Variants in SORCS2 observed in about 807,000 individuals in gnomAD.
SORCS2 encodes VPS10 domain-containing receptor SorCS2.
A neutral mutation model predicts 141.6 loss-of-function variants in SORCS2; 100 were observed. The observed-to-expected ratio is 0.71, with a 90% CI of 0.60 to 0.83. The LOEUF is 0.83. SORCS2 is among the 40% of genes least tolerant of loss of function. The pLI is 0.00. For missense variants in SORCS2, 1,646 were observed against 1,560.2 expected, an observed-to-expected ratio of 1.05 and a Z score of -0.93; for synonymous variants, 789 against 676.9, an observed-to-expected ratio of 1.17 and a Z score of -2.57.
At chr4:7,534,963 C>T (rs943203434) in intron 3 of SORCS2, among the ~76,000 whole-genome samples, 1 of 152,214 alleles carries the variant, frequency 6.6e-6, no homozygotes, top group East Asian at 1.9e-4. Context: ...GGCTCCTGCT[C>T]TCCCCTCACC....
At chr4:7,240,974 G>T (rs966568681) in intron 1 of SORCS2, among the ~76,000 whole-genome samples, 2 of 152,134 alleles carry the variant, frequency 1.3e-5, no homozygotes, top group African/African-American at 4.8e-5. Flanking sequence ...CATTCTTGTT[G>T]CCCAGGCTGG....
At chr4:7,590,413 GCCTGGCTTCTCAGGT>G (rs911029280) in intron 3 of SORCS2, among the ~76,000 whole-genome samples, 13 of 152,178 alleles carry the variant, frequency 8.5e-5, no homozygotes, top group Non-Finnish European at 1.9e-4. Context: ...TGTGAAGGTG[GCCTGGCTTCTCAGGT>G]CCTCTCCCAG....
In SORCS2 at chr4:7,726,915, C is replaced by A. The variant is rs751264738; in HGVS notation, c.2869+12C>A. 1.1e-5 allele frequency: 18 copies of A among 1,609,602 alleles called. No individual in the cohort carries two copies. The highest frequency in any genetic ancestry group is 5.5e-5 in the South Asian group (5 of 90,824). On this transcript the variant is annotated intron_variant, in intron 21 of 26. Transcript: ENST00000507866. ...CCTCCGTGTGCTGGGTAAGTACTTC[C>A]TGGGGTCTGGCAGCACGGCCTCTGC...
chr4:7,447,450 G>T (rs993896349), intron 2 of SORCS2, among the ~76,000 whole-genome samples: 2 of 152,204 alleles, frequency 1.3e-5, no homozygotes, highest in African/African-American at 2.4e-5. Context: ...GAACACTGAG[G>T]CTTAGGGAAG....
At chr4:7,375,734 CA>C (rs1300734410) in intron 1 of SORCS2, among the ~76,000 whole-genome samples, 1 of 152,204 alleles carries the variant, frequency 6.6e-6, no homozygotes, top group African/African-American at 2.4e-5. Flanking sequence ...ACATCCACCC[CA>C]AAGCCTATTA....
rs897856764 is a variant in SORCS2 at position 7,742,748 on chromosome 4, A to G, written c.*2484A>G. ...CATGCACATAACAAAGAGACAATGC[A>G]TTCCTTCTTATTTTTCCTTTTTAAA... On this transcript the variant is annotated 3_prime_UTR_variant, in exon 27 of 27. Transcript: ENST00000507866. 3 of 152,440 alleles carry G rather than the reference A, an allele frequency of 2.0e-5. No homozygotes were observed. The highest frequency in any genetic ancestry group is 7.2e-5 in the African/African-American group (3 of 41,468). The allele number at this position is 152,440 out of a possible 1,614,324, so 9.4% of individuals were successfully genotyped here. A position where few individuals can be genotyped will look rare whatever the true frequency, so the allele number is the denominator to read the frequency against.
chr4:7,396,224 T>G, intron 1 of SORCS2, 64 bp from the exon 2 acceptor site: 1 of 1,515,322 alleles, frequency 6.6e-7, no homozygotes, highest in East Asian at 2.3e-5. Flanking sequence ...GGTGTCACTG[T>G]ACCTCTCTTT....
chr4:7,573,134 G>A (rs745398248), intron 3 of SORCS2, among the ~76,000 whole-genome samples: 8 of 152,176 alleles, frequency 5.3e-5, no homozygotes, highest in Non-Finnish European at 1.0e-4. Flanking sequence ...CAGAACTTGC[G>A]TCTTTTGGTA....
intron 3 of SORCS2, among the ~76,000 whole-genome samples, chr4:7,536,556 A>G (rs1177873349): frequency 1.3e-5 from 2 of 152,186 alleles, no homozygotes; most frequent in African/African-American, 4.8e-5. Context: ...AGAGCAGCCC[A>G]TGACTGTGGG....
At chr4:7,196,712 G>C (rs1727190534) in intron 1 of SORCS2, among the ~76,000 whole-genome samples, 1 of 148,272 alleles carries the variant, frequency 6.7e-6, no homozygotes. Context: ...TGGTATCCAA[G>C]GCAGTTGAAT....
At chr4:7,552,277 C>T (rs375829791) in intron 3 of SORCS2, among the ~76,000 whole-genome samples, 1 of 152,096 alleles carries the variant, frequency 6.6e-6, no homozygotes, top group Admixed American at 6.5e-5. Flanking sequence ...CTGAACTCAG[C>T]GTTGACTATT....
intron 8 of SORCS2, among the ~76,000 whole-genome samples, chr4:7,671,748 G>C (rs1025309852): frequency 6.6e-5 from 10 of 152,058 alleles, no homozygotes; most frequent in Non-Finnish European, 1.3e-4. Context: ...ATGATTGTGG[G>C]AGTCCCAGAA....
At position 7,523,929 on chromosome 4, in the gene SORCS2, C is replaced by A. The variant is rs142930865; in HGVS notation, c.549-7601C>A. Among the ~76,000 whole-genome samples, 74 of 152,334 alleles carry A rather than the reference C, an allele frequency of 4.9e-4. 1 individual carries two copies. The highest frequency in any genetic ancestry group is 1.7e-3 in the African/African-American group (69 of 41,588). ...CCTGGGGCTTCCCACTGGCCTCAAACTCTTCCTGGGGATGACGCACTGGAA... is the reference window on the plus strand; with the variant it reads ...CCTGGGGCTTCCCACTGGCCTCAAAATCTTCCTGGGGATGACGCACTGGAA... On this transcript the variant is annotated intron_variant, in intron 2 of 26. Transcript: ENST00000507866.
At chr4:7,575,072 G>A (rs1032007955) in intron 3 of SORCS2, among the ~76,000 whole-genome samples, 2 of 152,132 alleles carry the variant, frequency 1.3e-5, no homozygotes, top group African/African-American at 2.4e-5. Context: ...GGGGACTGGC[G>A]GTGGGAGGAC....
chr4:7,631,456 A>T (rs1453064283), intron 3 of SORCS2, among the ~76,000 whole-genome samples: 1 of 151,766 alleles, frequency 6.6e-6, no homozygotes, highest in African/African-American at 2.4e-5. Flanking sequence ...CCTCTGGGGC[A>T]TCTTTTTGCA....
rs545102031 is a variant in SORCS2 at position 7,729,152 on chromosome 4, A to G, written c.2983-435A>G. Reference sequence around the variant, plus strand: ...CTGAGAGCATATTCTCTGTGGGTGTATGGCCCTGGCTGGGCCTGGGGTGTT... The same window carrying G: ...CTGAGAGCATATTCTCTGTGGGTGTGTGGCCCTGGCTGGGCCTGGGGTGTT... On this transcript the variant is annotated intron_variant, in intron 22 of 26. Transcript: ENST00000507866. 2.2e-4 allele frequency among the ~76,000 whole-genome samples: 33 copies of G among 152,322 alleles called. 1 individual carries two copies. In the South Asian group the frequency reaches 3.7e-3, roughly 17 times the overall value.
intron 11 of SORCS2, among the ~76,000 whole-genome samples, chr4:7,691,111 C>G (rs1724217421): frequency 6.6e-6 from 1 of 152,222 alleles, no homozygotes; most frequent in Non-Finnish European, 1.5e-5. Flanking sequence ...ACTTCCTGAA[C>G]CCAGGACCCC....
At chr4:7,690,766 T>C (rs1480193908) in intron 11 of SORCS2, among the ~76,000 whole-genome samples, 5 of 152,210 alleles carry the variant, frequency 3.3e-5, no homozygotes, top group African/African-American at 9.7e-5. Flanking sequence ...TTGATATTTA[T>C]TGGCCCCTGA....
intron 1 of SORCS2, among the ~76,000 whole-genome samples, chr4:7,335,984 C>A (rs534222884): frequency 6.6e-6 from 1 of 152,216 alleles, no homozygotes; most frequent in African/African-American, 2.4e-5. Context: ...GCTTGGCATG[C>A]GCCTGAGTCT....
Sources: gnomAD v4.1 joint callset for allele counts (sites outside exome capture counted in the v4.1 genomes callset) on GRCh38, gnomAD v4.1.1 for gene constraint, MANE v1.5 for transcripts, NCBI Gene and HGNC (gene_info 2026-07-23, HGNC 2026-07-21) for gene names.